Variants in ERBB4 observed in about 807,000 individuals in gnomAD.
ERBB4 encodes the protein receptor tyrosine-protein kinase erbB-4.
A neutral mutation model predicts 158.0 loss-of-function variants in ERBB4; 42 were observed. That is an observed-to-expected ratio of 0.27 (90% CI 0.21 to 0.34). ERBB4 has a LOEUF of 0.34. ERBB4 is among the 10% of genes least tolerant of loss of function. The pLI, the probability that ERBB4 is intolerant of heterozygous loss-of-function variation, is 1.00. For missense variants in ERBB4, 1,333 were observed against 1,624.1 expected (o/e 0.82, Z 3.08); for synonymous variants, 583 against 558.7 (o/e 1.04, Z -0.61).
At chr2:211,924,176 G>A (rs914023922) in intron 3 of ERBB4, among the ~76,000 whole-genome samples, 1 of 152,090 alleles carries the variant, frequency 6.6e-6, no homozygotes, top group Admixed American at 6.6e-5. Context: ...GGCAGCTATG[G>A]ACATCCAAAG....
At chr2:212,284,193 C>A (rs1303839268) in intron 1 of ERBB4, among the ~76,000 whole-genome samples, 1 of 152,070 alleles carries the variant, frequency 6.6e-6, no homozygotes, top group Non-Finnish European at 1.5e-5. Flanking sequence ...GGGAGAAACT[C>A]CATCTGAGTC....
At chr2:212,142,716 A>G (rs981139305) in intron 1 of ERBB4, among the ~76,000 whole-genome samples, 6 of 151,490 alleles carry the variant, frequency 4.0e-5, no homozygotes, top group Non-Finnish European at 8.8e-5. Flanking sequence ...ACAGAAATGG[A>G]ATGAGACTCT....
intron 4 of ERBB4, among the ~76,000 whole-genome samples, chr2:211,774,073 A>ATTTTTTTTTTTTTTTTT (rs113991569): frequency 2.8e-5 from 4 of 142,134 alleles, no homozygotes; most frequent in African/African-American, 2.6e-5. Flanking sequence ...ACCCCAACCA[A>ATTTTTTTTTTTTTTTTT]TTTTTTTTTT....
intron 2 of ERBB4, among the ~76,000 whole-genome samples, chr2:212,091,548 A>G (rs2078777224): frequency 6.6e-6 from 1 of 152,168 alleles, no homozygotes; most frequent in Admixed American, 6.6e-5. Context: ...ATCATTTTGC[A>G]TGACCCCTGA....
chr2:212,131,642 A>C (rs1352165263), intron 1 of ERBB4, among the ~76,000 whole-genome samples: 4 of 152,216 alleles, frequency 2.6e-5, no homozygotes, highest in Admixed American at 1.3e-4. Context: ...GGATAGTAGC[A>C]GATTCTATCA....
At chr2:212,177,411 C>T (rs2081704880) in intron 1 of ERBB4, among the ~76,000 whole-genome samples, 1 of 151,730 alleles carries the variant, frequency 6.6e-6, no homozygotes, top group Non-Finnish European at 1.5e-5. Context: ...TTTAGATCTG[C>T]CTAGCAAATT....
At chr2:212,480,914 G>T (rs903393116) in intron 1 of ERBB4, among the ~76,000 whole-genome samples, 3 of 152,104 alleles carry the variant, frequency 2.0e-5, no homozygotes, top group African/African-American at 7.2e-5. Context: ...TCCTGAATTA[G>T]CTTTTTAATT....
intron 1 of ERBB4, among the ~76,000 whole-genome samples, chr2:212,256,570 G>A (rs932309090): frequency 5.9e-5 from 9 of 152,100 alleles, no homozygotes; most frequent in African/African-American, 1.9e-4. Context: ...CATTTATTAA[G>A]GATCTGCACA....
chr2:211,702,000 C>T lies in ERBB4; in HGVS notation c.1456G>A (p.Val486Ile), dbSNP rs2106035672. ...TCAGCTTTTCTGTTGTCCCGGATTA[C>T]TATTCTCTGGTTGATTGTGCTGAAG... ...TLFSTINQRI[V>I]IRDNRKAENC... The change falls in exon 12 of 28, where the codon GTA (valine) becomes ATA (isoleucine). Residue 486 changes from valine to isoleucine, a missense_variant. By Grantham distance (29) the Val-to-Ile change is conservative. This residue lies in a region of ERBB4 where 245 missense variants were observed against 247.5 expected (regional missense o/e 0.99). Coordinates refer to ENST00000342788, the MANE Select transcript of ERBB4 (RefSeq NM_005235.3). The T allele has an allele frequency of 1.2e-6, 2 of 1,613,980 alleles. No homozygotes were observed. Among genetic ancestry groups the T allele is most frequent in the South Asian group, 2.2e-5 (2 of 91,082 alleles).
chr2:211,870,677 C>T (rs148863333), intron 3 of ERBB4, among the ~76,000 whole-genome samples: 73 of 152,202 alleles, frequency 4.8e-4, no homozygotes, highest in South Asian at 4.2e-3. Context: ...GACTAAAATA[C>T]AGTTTTCCAG....
chr2:211,487,077 A>G (rs2065224768), intron 20 of ERBB4, among the ~76,000 whole-genome samples: 1 of 151,584 alleles, frequency 6.6e-6, no homozygotes, highest in African/African-American at 2.4e-5. Flanking sequence ...TACATGTGCC[A>G]CGTTGGTGTG....
chr2:212,412,490 G>A (rs914558240), intron 1 of ERBB4, among the ~76,000 whole-genome samples: 9 of 152,044 alleles, frequency 5.9e-5, no homozygotes, highest in Admixed American at 2.6e-4. Context: ...TTCACCCTCC[G>A]CCATGAGTAA....
chr2:211,414,318 G>T (rs1395751596), intron 25 of ERBB4, among the ~76,000 whole-genome samples: 1 of 151,974 alleles, frequency 6.6e-6, no homozygotes, highest in Non-Finnish European at 1.5e-5. Context: ...GCCAACAGGT[G>T]AAACCCTGTC....
intron 3 of ERBB4, among the ~76,000 whole-genome samples, chr2:211,833,962 A>G (rs749648724): frequency 3.3e-5 from 5 of 152,076 alleles, no homozygotes; most frequent in Non-Finnish European, 5.9e-5. Context: ...TGCCACCCCT[A>G]GGTGCATATT....
At chr2:212,020,591 G>A (rs2076627132) in intron 2 of ERBB4, among the ~76,000 whole-genome samples, 1 of 152,048 alleles carries the variant, frequency 6.6e-6, no homozygotes, top group African/African-American at 2.4e-5. Flanking sequence ...CTTTATAAAA[G>A]TGTTACCTAC....
intron 1 of ERBB4, among the ~76,000 whole-genome samples, chr2:212,509,052 GTTCC>G (rs1193204040): frequency 1.3e-5 from 2 of 151,962 alleles, no homozygotes; most frequent in Non-Finnish European, 2.9e-5. Context: ...TGAAATTTTA[GTTCC>G]TTCTTCTTAA....
intron 1 of ERBB4, chr2:212,429,326 A>G (rs987569457): frequency 1.3e-5 from 2 of 152,182 alleles, no homozygotes; most frequent in African/African-American, 4.8e-5. Flanking sequence ...ATCCTAAACA[A>G]AACCCAGAAA....
At position 212,346,280 on chromosome 2, in the gene ERBB4, T is replaced by A. The variant is rs1054251043; in HGVS notation, c.82+192169A>T. 3.4e-5 allele frequency among the ~76,000 whole-genome samples: 5 copies of A among 147,484 alleles called. No homozygotes were observed. In the South Asian group the frequency reaches 1.1e-3, roughly 32 times the overall value. On this transcript the variant is annotated intron_variant, in intron 1 of 27. Coordinates refer to ENST00000342788, the MANE Select transcript of ERBB4 (RefSeq NM_005235.3). ...GTATCTATGTTTTCTAAGTATTTGA[T>A]ACCTATTTTTATATTTCCTCAATGA...
intron 20 of ERBB4, among the ~76,000 whole-genome samples, chr2:211,551,185 A>G (rs2067086133): frequency 6.6e-6 from 1 of 152,220 alleles, no homozygotes; most frequent in Non-Finnish European, 1.5e-5. Context: ...TGGTAGAGTC[A>G]CTGAAGCTAT....
Sources: allele counts gnomAD v4.1 joint callset (sites outside exome capture counted in the v4.1 genomes callset), GRCh38; gene constraint gnomAD v4.1.1; regional missense constraint gnomAD v4.1.1; transcripts MANE v1.5; gene names NCBI Gene and HGNC (gene_info 2026-07-23, HGNC 2026-07-21).